Variants in DDX10 observed in about 807,000 individuals in gnomAD.
The protein encoded by DDX10 is DEAD-box helicase 10.
In DDX10, 74 loss-of-function variants were observed where a neutral mutation model predicts 104.3. That is an observed-to-expected ratio of 0.71 (90% CI 0.59 to 0.86). The LOEUF is 0.86. Ranked by LOEUF, DDX10 falls within the 40% of genes least tolerant of loss-of-function variation. The probability of loss-of-function intolerance (pLI) is 0.00; values close to 1 mark genes in which losing one functional copy is unlikely to be tolerated. For missense variants in DDX10, 952 were observed against 1,040.0 expected (o/e 0.92, Z 1.16); for synonymous variants, 351 against 353.4 (o/e 0.99, Z 0.08).
chr11:108,789,867 A>G (rs1245986153), intron 13 of DDX10, among the ~76,000 whole-genome samples: 1 of 152,212 alleles, frequency 6.6e-6, no homozygotes, highest in Non-Finnish European at 1.5e-5. Context: ...CTGCTCTGAC[A>G]ATCTTAGTTC....
intron 15 of DDX10, among the ~76,000 whole-genome samples, chr11:108,846,318 T>A (rs529334572): frequency 4.6e-5 from 7 of 152,318 alleles, no homozygotes; most frequent in Admixed American, 4.6e-4. Context: ...TAATACATTA[T>A]TATTAACATG....
chr11:108,694,145 T>C (rs1230672834), intron 9 of DDX10, among the ~76,000 whole-genome samples: 4 of 152,206 alleles, frequency 2.6e-5, no homozygotes, highest in East Asian at 1.9e-4. Flanking sequence ...TTAAAACTTA[T>C]GAATTGTTTA....
intron 13 of DDX10, among the ~76,000 whole-genome samples, chr11:108,776,623 G>A (rs1295922474): frequency 1.3e-5 from 2 of 152,124 alleles, no homozygotes; most frequent in African/African-American, 4.8e-5. Context: ...ATTATTAGTT[G>A]ACATTAAGAT....
chr11:108,725,776 G>A (rs890919239), intron 13 of DDX10, among the ~76,000 whole-genome samples: 2 of 151,872 alleles, frequency 1.3e-5, no homozygotes, highest in African/African-American at 4.8e-5. Flanking sequence ...CAAAGAGCAG[G>A]TATCTTAAAT....
In DDX10 at chr11:108,940,375, AG is replaced by A; in HGVS notation, c.2581del (p.Ala861GlnfsTer11). The A allele has an allele frequency of 6.2e-7, 1 of 1,614,082 alleles. No individual in the cohort carries two copies. Among genetic ancestry groups the A allele is most frequent in the Non-Finnish European group, 8.5e-7 (1 of 1,180,008 alleles). On this transcript the variant is annotated frameshift_variant, in exon 18 of 18. Coordinates refer to ENST00000322536, the MANE Select transcript of DDX10 (RefSeq NM_004398.4). LOFTEE classifies it high-confidence loss of function. Reference protein sequence around the residue: ...LEPLDTGLSLAEDEELVLHLL... With the variant: ...LEPLDTGLSLXEDEELVLHLL... ...AGCCTTTGGATACCGGCCTGTCTTT[AG>A]CAGAGGATGAAGAGCTGGTGTTACA... is the stretch of plus-strand genomic sequence containing the variant.
intron 13 of DDX10, among the ~76,000 whole-genome samples, chr11:108,733,386 A>G (rs1467657128): frequency 6.6e-6 from 1 of 152,136 alleles, no homozygotes; most frequent in Non-Finnish European, 1.5e-5. Context: ...AGGAACTTGG[A>G]CTAAGTATTT....
chr11:108,674,416 T>A (rs1441053171), intron 2 of DDX10, among the ~76,000 whole-genome samples: 1 of 152,224 alleles, frequency 6.6e-6, no homozygotes, highest in Non-Finnish European at 1.5e-5. Flanking sequence ...CATCCTTTTG[T>A]GTTTAGAACT....
chr11:108,702,835 AG>A (rs1483516416), intron 9 of DDX10, among the ~76,000 whole-genome samples: 1 of 152,260 alleles, frequency 6.6e-6, no homozygotes, highest in African/African-American at 2.4e-5. Context: ...CTCTGATATT[AG>A]TAACCAGCTG....
intron 16 of DDX10, among the ~76,000 whole-genome samples, chr11:108,913,292 G>T (rs993333967): frequency 6.6e-6 from 1 of 151,928 alleles, no homozygotes; most frequent in Non-Finnish European, 1.5e-5. Context: ...AGCAGGGAGG[G>T]GACTTCCAGG....
Position 108,672,570 on chromosome 11 carries a change from A to G in DDX10, c.187-897A>G, listed in dbSNP as rs553808048. On this transcript the variant is annotated intron_variant, in intron 1 of 17. Transcript: ENST00000322536. ...GCACAGAGTAAACACTGCCTGGGCAATGTTAAGAATCATAGGAAAGATGTG... is the reference window on the plus strand; with the variant it reads ...GCACAGAGTAAACACTGCCTGGGCAGTGTTAAGAATCATAGGAAAGATGTG... Among the ~76,000 whole-genome samples, 4 of 152,370 alleles carry G rather than the reference A, an allele frequency of 2.6e-5. No individual in the cohort carries two copies. The East Asian group carries it at 5.8e-4, about 22-fold the overall frequency.
chr11:108,675,840 C>A, intron 3 of DDX10, 114 bp downstream of exon 3: 1 of 1,354,320 alleles, frequency 7.4e-7, no homozygotes, highest in Non-Finnish European at 1.0e-6. Flanking sequence ...GATAGATTGG[C>A]TAGAATGCGA....
chr11:108,793,806 A>T (rs1038366771), intron 13 of DDX10, among the ~76,000 whole-genome samples: 9 of 150,876 alleles, frequency 6.0e-5, no homozygotes, highest in Non-Finnish European at 1.2e-4. Flanking sequence ...ACCTCTCTTT[A>T]TCTCCCTCTC....
rs1490418496 is a variant in DDX10, at chr11:108,906,675, A to G, written c.2305-11198A>G. 2.0e-5 allele frequency among the ~76,000 whole-genome samples: 3 copies of G among 152,220 alleles called. 1 individual carries two copies. The highest frequency in any genetic ancestry group is 1.3e-4 in the Admixed American group (2 of 15,280). Reference sequence around the variant, plus strand: ...GGACTTGGAATTTTTCTTTTACTTAATATCTTATTTAGTGTAATATTTCTC... The same window carrying G: ...GGACTTGGAATTTTTCTTTTACTTAGTATCTTATTTAGTGTAATATTTCTC... On this transcript the variant is annotated intron_variant, in intron 16 of 17. Transcript: ENST00000322536.
chr11:108,843,301 T>C (rs753415859), intron 15 of DDX10, among the ~76,000 whole-genome samples: 2 of 151,660 alleles, frequency 1.3e-5, no homozygotes, highest in African/African-American at 2.4e-5. Context: ...AACTAACATA[T>C]GTACGTGGGT....
At chr11:108,889,717 T>G (rs752562699) in intron 16 of DDX10, among the ~76,000 whole-genome samples, 1 of 152,186 alleles carries the variant, frequency 6.6e-6, no homozygotes, top group Non-Finnish European at 1.5e-5. Flanking sequence ...ATGGTTGCTA[T>G]GAGACAAGTA....
chr11:108,914,607 G>A (rs1863721364), intron 16 of DDX10, among the ~76,000 whole-genome samples: 1 of 152,092 alleles, frequency 6.6e-6, no homozygotes, highest in Non-Finnish European at 1.5e-5. Context: ...TAGTGTTTCG[G>A]TAATATGTTA....
chr11:108,923,635 T>C (rs1317399533), intron 17 of DDX10, among the ~76,000 whole-genome samples: 1 of 152,236 alleles, frequency 6.6e-6, no homozygotes, highest in African/African-American at 2.4e-5. Context: ...CAAAGCTTTT[T>C]GTTCCATGGA....
In DDX10 at chr11:108,693,499, A is replaced by G. The variant is rs775248138; in HGVS notation, c.1139-17A>G. 5.2e-5 allele frequency: 84 copies of G among 1,604,732 alleles called. No homozygotes were observed. In the Middle Eastern group the frequency reaches 6.6e-4, roughly 13 times the overall value. ...ATCTTGCAACCAGTTTCTTAACTTC[A>G]CATCCCTTCTCTGTAGATTTCCCGG... On this transcript the variant is annotated splice_polypyrimidine_tract_variant and intron_variant, in intron 8 of 17. Transcript: ENST00000322536.
chr11:108,887,185 T>A (rs1195381856), intron 16 of DDX10, among the ~76,000 whole-genome samples: 1 of 152,174 alleles, frequency 6.6e-6, no homozygotes, highest in Non-Finnish European at 1.5e-5. Context: ...ATCTTCTGAA[T>A]GGGAATACTT....
Sources: gnomAD v4.1 joint callset for allele counts (sites outside exome capture counted in the v4.1 genomes callset) on GRCh38, gnomAD v4.1.1 for gene constraint, MANE v1.5 for transcripts, NCBI Gene and HGNC (gene_info 2026-07-23, HGNC 2026-07-21) for gene names.